The following ANKRD29 variants were observed in gnomAD, a reference collection of about 807,000 sequenced individuals.
ANKRD29 encodes the protein ankyrin repeat domain 29, also known as ankyrin repeat domain-containing protein 29.
Under a neutral mutation model 38.0 loss-of-function variants are expected in ANKRD29, and 32 were observed. That is an observed-to-expected ratio of 0.84 (90% CI 0.64 to 1.13). ANKRD29 has a LOEUF of 1.13. Ranked by LOEUF, ANKRD29 falls within the 50% of genes most tolerant of loss-of-function variation. The pLI, the probability that ANKRD29 is intolerant of heterozygous loss-of-function variation, is 0.00. For synonymous variants in ANKRD29, 135 were observed against 152.4 expected (o/e 0.89, Z 0.84); for missense variants, 357 against 377.9 (o/e 0.94, Z 0.46).
chr18:23,601,741 C>G (rs1458710476), intron 9 of ANKRD29, among the ~76,000 whole-genome samples: 2 of 151,934 alleles, frequency 1.3e-5, no homozygotes, highest in African/African-American at 2.4e-5. Flanking sequence ...GCAATCATGG[C>G]TCACTGCAGC....
chr18:23,610,612 C>T (rs541890181), intron 9 of ANKRD29, among the ~76,000 whole-genome samples: 50 of 151,702 alleles, frequency 3.3e-4, no homozygotes, highest in African/African-American at 1.2e-3. Context: ...CTGGGCAACA[C>T]AGCAAGAACA....
At chr18:23,654,532 T>C (rs1048190895) in intron 1 of ANKRD29, among the ~76,000 whole-genome samples, 5 of 148,620 alleles carry the variant, frequency 3.4e-5, no homozygotes, top group Admixed American at 2.0e-4. Context: ...CGGCAAGGAA[T>C]TGCTTGAACC....
At chr18:23,615,428 AT>A (rs375410494) in intron 8 of ANKRD29, among the ~76,000 whole-genome samples, 15 of 150,734 alleles carry the variant, frequency 1.0e-4, no homozygotes, top group East Asian at 3.9e-4. Context: ...AGGAATTAAG[AT>A]TTTTTTTTTG....
chr18:23,609,529 G>C (rs150101420), intron 9 of ANKRD29, among the ~76,000 whole-genome samples: 9 of 152,236 alleles, frequency 5.9e-5, no homozygotes, highest in African/African-American at 1.9e-4. Context: ...CTGATACATC[G>C]GTTCTGTCTA....
chr18:23,629,749 G>T, intron 6 of ANKRD29, 104 bp downstream of exon 6: 1 of 830,950 alleles, frequency 1.2e-6, no homozygotes, highest in Non-Finnish European at 2.0e-6. Context: ...TTTAAAGGAT[G>T]CCTTGAGCTT....
At chr18:23,648,663 T>TG in intron 2 of ANKRD29, 1 of 385,726 alleles carries the variant, frequency 2.6e-6, no homozygotes, top group Non-Finnish European at 4.6e-6. Flanking sequence ...GATAAAATCC[T>TG]GGGGGAGGCT....
chr18:23,609,526 A>G (rs1363991345), intron 9 of ANKRD29, among the ~76,000 whole-genome samples: 1 of 152,196 alleles, frequency 6.6e-6, no homozygotes, highest in Non-Finnish European at 1.5e-5. Context: ...GTCCTGATAC[A>G]TCGGTTCTGT....
intron 9 of ANKRD29, among the ~76,000 whole-genome samples, chr18:23,605,768 C>T (rs1240215896): frequency 6.6e-6 from 1 of 152,036 alleles, no homozygotes; most frequent in African/African-American, 2.4e-5. Context: ...CTCACATGAT[C>T]CACCTGCCTC....
intron 6 of ANKRD29, among the ~76,000 whole-genome samples, chr18:23,626,763 G>C (rs1318686776): frequency 1.3e-5 from 2 of 152,172 alleles, no homozygotes; most frequent in South Asian, 2.1e-4. Flanking sequence ...TCCCACTACC[G>C]TTCAGATTCC....
intron 1 of ANKRD29, among the ~76,000 whole-genome samples, chr18:23,652,964 A>G (rs2060228505): frequency 6.6e-6 from 1 of 152,260 alleles, no homozygotes; most frequent in African/African-American, 2.4e-5. Flanking sequence ...AGATTATGAT[A>G]CCATTTTTTT....
At chr18:23,659,469 G>C (rs577825345) in intron 1 of ANKRD29, among the ~76,000 whole-genome samples, 39 of 152,208 alleles carry the variant, frequency 2.6e-4, no homozygotes, top group Non-Finnish European at 5.3e-4. Context: ...TTGAGGCTGG[G>C]TGCGGTGGCT....
chr18:23,610,587 G>A (rs558756962), intron 9 of ANKRD29, among the ~76,000 whole-genome samples: 18 of 152,234 alleles, frequency 1.2e-4, no homozygotes, highest in Admixed American at 2.0e-4. Flanking sequence ...TTGAGACCAG[G>A]AGTTCAAGAC....
chr18:23,609,331 C>G (rs559859847), intron 9 of ANKRD29: 4 of 152,108 alleles, frequency 2.6e-5, no homozygotes, highest in Non-Finnish European at 5.9e-5. Context: ...ACTTTGACCC[C>G]CTATGATTCC....
At position 23,634,157 on chromosome 18, in the gene ANKRD29, C is replaced by T. The variant is rs1322985669; in HGVS notation, c.331-8G>A. On this transcript the variant is annotated splice_region_variant and splice_polypyrimidine_tract_variant and intron_variant, in intron 4 of 9. Transcript: ENST00000592179. The stretch of plus-strand genomic sequence containing the variant: ...CAGGGCGGTGCCCCCGTCCTATGGA[C>T]ATGCAAAGTATAAACACATTAGAGG... 1.2e-6 allele frequency: 2 copies of T among 1,612,888 alleles called. No individual in the cohort carries two copies. Among genetic ancestry groups the T allele is most frequent in the Admixed American group, 3.3e-5 (2 of 59,942 alleles).
intron 1 of ANKRD29, among the ~76,000 whole-genome samples, chr18:23,649,834 A>G (rs147851364): frequency 0.017 from 2,585 of 152,056 alleles, 79 homozygotes; most frequent in African/African-American, 0.057. Flanking sequence ...GGTTCAAGTG[A>G]TTCTCCTGCC....
chr18:23,600,961 G>T lies in ANKRD29; in HGVS notation c.*265C>A. ...AGCATTGTTGAAAATGAGTTTCTGT[G>T]GAATCTGTGAACATGCCAGGCCCCC... On this transcript the variant is annotated 3_prime_UTR_variant, in exon 10 of 10. Coordinates refer to ENST00000592179, the MANE Select transcript of ANKRD29 (RefSeq NM_173505.4). The T allele has an allele frequency of 3.3e-6, 1 of 301,740 alleles. No homozygotes were observed. Among genetic ancestry groups the T allele is most frequent in the Non-Finnish European group, 6.2e-6 (1 of 161,950 alleles). 18.7% of individuals were successfully genotyped at this position (301,740 alleles called of 1,614,324 possible). A position where few individuals can be genotyped will look rare whatever the true frequency, so the allele number is the denominator to read the frequency against.
At chr18:23,645,427 T>C (rs1470826431) in intron 3 of ANKRD29, among the ~76,000 whole-genome samples, 1 of 152,026 alleles carries the variant, frequency 6.6e-6, no homozygotes, top group Non-Finnish European at 1.5e-5. Context: ...TACAGAAAAT[T>C]AGCTGGGCGT....
chr18:23,614,310 C>T (rs2059683507), intron 8 of ANKRD29, among the ~76,000 whole-genome samples: 1 of 152,162 alleles, frequency 6.6e-6, no homozygotes, highest in Non-Finnish European at 1.5e-5. Context: ...GATTCGCCCA[C>T]CTTGGCCTCC....
intron 1 of ANKRD29, among the ~76,000 whole-genome samples, chr18:23,652,031 C>G (rs1458478629): frequency 6.6e-6 from 1 of 152,116 alleles, no homozygotes; most frequent in Non-Finnish European, 1.5e-5. Context: ...ATTGGAAACA[C>G]CGTACGAAGG....
Sources: gnomAD v4.1 joint callset for allele counts (sites outside exome capture counted in the v4.1 genomes callset) on GRCh38, gnomAD v4.1.1 for gene constraint, MANE v1.5 for transcripts, NCBI Gene and HGNC (gene_info 2026-07-23, HGNC 2026-07-21) for gene names.